MEGF8: variants seen among roughly 807,000 people sequenced by gnomAD.
MEGF8 encodes the protein multiple EGF like domains 8, also known as multiple epidermal growth factor-like domains protein 8.
A neutral mutation model predicts 302.9 loss-of-function variants in MEGF8; 156 were observed. The ratio of observed to expected loss-of-function variants is 0.52; its 90% CI spans 0.45 to 0.59. The LOEUF is 0.59. Ranked by LOEUF, MEGF8 falls within the 20% of genes least tolerant of loss-of-function variation. The pLI is 0.00. For synonymous variants in MEGF8, 1,621 were observed against 1,660.5 expected (o/e 0.98, Z 0.58); for missense variants, 3,345 against 3,964.5 (o/e 0.84, Z 4.20).
In MEGF8 at chr19:42,351,831, G is replaced by GCCT; in HGVS notation, c.3101+72_3101+74dup. On this transcript the variant is annotated intron_variant, in intron 18 of 41. Transcript: ENST00000251268. This position sits in a 1 kb window ranked among gnomAD's most constrained non-coding sequence, Gnocchi z 5.6. ...TCCTCCATGACCGGTCATTCTAATG[G>GCCT]CCTCTTTGCTTCTCTGCCCTCTTGC... 1 of 1,305,176 alleles carries GCCT rather than the reference G, an allele frequency of 7.7e-7. No individual in the cohort carries two copies. Among genetic ancestry groups the GCCT allele is most frequent in the Non-Finnish European group, 1.1e-6 (1 of 926,654 alleles). The allele number at this position is 1,305,176 out of a possible 1,614,324, so 80.8% of individuals were successfully genotyped here.
Position 42,358,034 on chromosome 19 carries a change from C to A in MEGF8, c.5012-110C>A. On this transcript the variant is annotated intron_variant, in intron 28 of 41. Coordinates refer to ENST00000251268, the MANE Select transcript of MEGF8 (RefSeq NM_001271938.2). This position sits in a 1 kb window ranked among gnomAD's most constrained non-coding sequence, Gnocchi z 4.4. ...GGGTGGAGAGGGGCTCCCAGGCCTC[C>A]AGTCTCAGGGCCGGGGAAGGGAGTG... 9.1e-7 allele frequency: 1 copy of A among 1,102,678 alleles called. No homozygotes were observed. Among genetic ancestry groups the A allele is most frequent in the Non-Finnish European group, 1.2e-6 (1 of 812,142 alleles). The allele number at this position is 1,102,678 out of a possible 1,614,324, so 68.3% of individuals were successfully genotyped here.
At chr19:42,339,311 A>C (rs1042326364) in intron 8 of MEGF8, among the ~76,000 whole-genome samples, 2 of 152,214 alleles carry the variant, frequency 1.3e-5, no homozygotes, top group Non-Finnish European at 2.9e-5. Flanking sequence ...TATTTGAGAA[A>C]TCTTCAAACT....
In MEGF8 at chr19:42,353,568, C is replaced by A; in HGVS notation, c.3654C>A (p.Asp1218Glu). Residue 1218 changes from aspartate (D) to glutamate (E), a missense_variant, in exon 21 of 42, where the codon GAC (aspartate) becomes GAA (glutamate). Transcript: ENST00000251268. This position sits in a 1 kb window ranked among gnomAD's most constrained non-coding sequence, Gnocchi z 6.1. The part of the protein sequence containing the change: ...CRPCQCNGHG[D>E]PRRGHCDNLS... Reference sequence around the variant, plus strand: ...CCTGCCAGTGCAACGGGCACGGGGACCCACGCCGTGGCCACTGCGACAACC... The same window carrying A: ...CCTGCCAGTGCAACGGGCACGGGGAACCACGCCGTGGCCACTGCGACAACC... 1 of 1,601,636 alleles carries A rather than the reference C, an allele frequency of 6.2e-7. No homozygotes were observed. Among genetic ancestry groups the A allele is most frequent in the Non-Finnish European group, 8.5e-7 (1 of 1,174,594 alleles).
At chr19:42,348,133 C>A in intron 12 of MEGF8, 139 bp from the exon 13 acceptor site, 2 of 783,454 alleles carry the variant, frequency 2.6e-6, no homozygotes, top group Middle Eastern at 2.4e-4. Context: ...TGACAAGCCA[C>A]CTAACCCCTG....
Position 42,375,098 on chromosome 19 carries a change from G to A in MEGF8, c.7270-409G>A, listed in dbSNP as rs535983212. ...ACATGATCTCAGTGGTCCTGTGAGCGAGCCGTGGTTACTCCCTGTGTGCAG... is the reference window on the plus strand; with the variant it reads ...ACATGATCTCAGTGGTCCTGTGAGCAAGCCGTGGTTACTCCCTGTGTGCAG... On this transcript the variant is annotated intron_variant, in intron 41 of 41. Coordinates refer to ENST00000251268, the MANE Select transcript of MEGF8 (RefSeq NM_001271938.2). This position sits in a 1 kb window ranked among gnomAD's most constrained non-coding sequence, Gnocchi z 7.1. Among the ~76,000 whole-genome samples the A allele has an allele frequency of 2.0e-5, 3 of 152,322 alleles. No individual in the cohort carries two copies. The highest frequency in any genetic ancestry group is 2.9e-5 in the Non-Finnish European group (2 of 68,020).
In MEGF8 at chr19:42,335,399, C is replaced by T; in HGVS notation, c.828+14C>T. The stretch of plus-strand genomic sequence containing the variant: ...AGTCCTGCCCCGGTATGGACCCCTC[C>T]TCTGCCCTGGAGGAGCCTTTCCACT... On this transcript the variant is annotated intron_variant, in intron 5 of 41. Coordinates refer to ENST00000251268, the MANE Select transcript of MEGF8 (RefSeq NM_001271938.2). 1 of 1,613,120 alleles carries T rather than the reference C, an allele frequency of 6.2e-7. No homozygotes were observed. Among genetic ancestry groups the T allele is most frequent in the Non-Finnish European group, 8.5e-7 (1 of 1,179,162 alleles).
At chr19:42,363,593 A>G (rs1600067434) in intron 35 of MEGF8, among the ~76,000 whole-genome samples, 1 of 151,838 alleles carries the variant, frequency 6.6e-6, no homozygotes, top group East Asian at 1.9e-4. Context: ...TTTGTTTTTA[A>G]TTTTGTCGAT....
chr19:42,356,916 G>A lies in MEGF8; in HGVS notation c.4765G>A (p.Ala1589Thr), dbSNP rs375545228. Reference sequence around the variant, plus strand: ...CATGTATCTGCTGGGGGGACTTACCGCTGGAGGCGTCACCCGTGATTTCTG... The same window carrying A: ...CATGTATCTGCTGGGGGGACTTACCACTGGAGGCGTCACCCGTGATTTCTG... ...GAMYLLGGLTAGGVTRDFWVL... is the reference protein window; with the variant it reads ...GAMYLLGGLTTGGVTRDFWVL... Residue 1589 changes from alanine to threonine, a missense_variant, in exon 27 of 42, where the codon GCT (alanine) becomes ACT (threonine). Transcript: ENST00000251268. The surrounding 1 kb of genome is among the most constrained non-coding windows in gnomAD (Gnocchi z 5.2). 1.4e-5 allele frequency: 23 copies of A among 1,610,512 alleles called. No homozygotes were observed. Among genetic ancestry groups the A allele is most frequent in the African/African-American group, 5.3e-5 (4 of 74,986 alleles).
At chr19:42,338,171 C>G (rs1262370010) in intron 8 of MEGF8, among the ~76,000 whole-genome samples, 1 of 151,868 alleles carries the variant, frequency 6.6e-6, no homozygotes, top group African/African-American at 2.4e-5. Flanking sequence ...AATTGTGTGT[C>G]ATGGGGATTT....
rs554023299 is a variant in MEGF8 at position 42,368,336 on chromosome 19, C to T, written c.6274-119C>T. On this transcript the variant is annotated intron_variant, in intron 35 of 41. Coordinates refer to ENST00000251268, the MANE Select transcript of MEGF8 (RefSeq NM_001271938.2). This position sits in a 1 kb window ranked among gnomAD's most constrained non-coding sequence, Gnocchi z 4.9. ...GTGTCCACTTTGCTCTACCTGTGGC[C>T]AGGGAGGGGTGAGACCTCAAAGAGG... The T allele has an allele frequency of 1.5e-5, 13 of 870,826 alleles. No homozygotes were observed. The African/African-American group carries it at 2.0e-4, about 14-fold the overall frequency. 53.9% of individuals were successfully genotyped at this position (870,826 alleles called of 1,614,324 possible). A position where few individuals can be genotyped will look rare whatever the true frequency, so the allele number is the denominator to read the frequency against.
intron 8 of MEGF8, among the ~76,000 whole-genome samples, chr19:42,339,116 GAGCCAATGC>G (rs2039177677): frequency 6.6e-6 from 1 of 152,158 alleles, no homozygotes; most frequent in African/African-American, 2.4e-5. Flanking sequence ...TTACAGGCGT[GAGCCAATGC>G]GCCTGGCCTC....
intron 41 of MEGF8, among the ~76,000 whole-genome samples, chr19:42,373,196 G>A (rs1247976644): frequency 6.6e-6 from 1 of 151,454 alleles, no homozygotes; most frequent in African/African-American, 2.4e-5. Flanking sequence ...AGGTTCAAGC[G>A]ATTCTCCTGC....
Position 42,333,549 on chromosome 19 carries a change from G to A in MEGF8, c.188-56G>A, listed in dbSNP as rs2039081971. ...GTGTACAATTGTGGGAGGCTGCAGG[G>A]AGGTGTGGGGAGAAGGTCCGCTTTA... is the stretch of plus-strand genomic sequence containing the variant. On this transcript the variant is annotated intron_variant, in intron 1 of 41. Transcript: ENST00000251268. 5.2e-6 allele frequency: 8 copies of A among 1,545,794 alleles called. No homozygotes were observed. In the South Asian group the frequency reaches 9.4e-5, roughly 18 times the overall value.
rs771658086 is a variant in MEGF8, at chr19:42,369,728, G to C, written c.6834+5G>C. 1.3e-5 allele frequency: 20 copies of C among 1,594,484 alleles called. No individual in the cohort carries two copies. In the South Asian group the frequency reaches 2.1e-4, roughly 17 times the overall value. On this transcript the variant is annotated splice_donor_5th_base_variant and intron_variant, in intron 38 of 41. Coordinates refer to ENST00000251268, the MANE Select transcript of MEGF8 (RefSeq NM_001271938.2). This position sits in a 1 kb window ranked among gnomAD's most constrained non-coding sequence, Gnocchi z 5.7. ...CTCTGCCGCAACCACACCAAGGTGG[G>C]CCGCCCGGAGCCTCAGACCCCCGAC...
chr19:42,362,993 G>T lies in MEGF8; in HGVS notation c.6059-55G>T, dbSNP rs576824324. The T allele has an allele frequency of 2.2e-5, 32 of 1,477,602 alleles. No individual in the cohort carries two copies. In the African/African-American group the frequency reaches 2.9e-4, roughly 13 times the overall value. The allele number at this position is 1,477,602 out of a possible 1,614,324, so 91.5% of individuals were successfully genotyped here. ...AGCTCCTGGGTCTGAGGGAGGAGGGGCTGGGCTTGCGATCTCCTGGGTCTG... is the reference window on the plus strand; with the variant it reads ...AGCTCCTGGGTCTGAGGGAGGAGGGTCTGGGCTTGCGATCTCCTGGGTCTG... On this transcript the variant is annotated intron_variant, in intron 34 of 41. Coordinates refer to ENST00000251268, the MANE Select transcript of MEGF8 (RefSeq NM_001271938.2).
Position 42,368,877 on chromosome 19 carries a change from C to T in MEGF8, c.6516C>T (p.Ala2172=). ...LTCGRPGASW[A]FLSCPPEDEC... The stretch of plus-strand genomic sequence containing the variant: ...GTGGGCGTCCGGGGGCCTCCTGGGC[C>T]TTCCTGTCCTGCCCCCCTGAGGACG... The change falls in exon 37 of 42, where the codon GCC becomes GCT. Residue 2172 remains alanine, a synonymous_variant. Coordinates refer to ENST00000251268, the MANE Select transcript of MEGF8 (RefSeq NM_001271938.2). This position sits in a 1 kb window ranked among gnomAD's most constrained non-coding sequence, Gnocchi z 4.9. 3 of 1,613,840 alleles carry T rather than the reference C, an allele frequency of 1.9e-6. No homozygotes were observed. The highest frequency in any genetic ancestry group is 2.5e-6 in the Non-Finnish European group (3 of 1,179,862).
intron 41 of MEGF8, among the ~76,000 whole-genome samples, chr19:42,371,874 G>A (rs1372714617): frequency 1.3e-5 from 2 of 152,098 alleles, no homozygotes; most frequent in Non-Finnish European, 2.9e-5. Context: ...CTTGAGCCCG[G>A]GGGTTCAAGA....
intron 1 of MEGF8, among the ~76,000 whole-genome samples, chr19:42,330,772 A>G (rs1330157409): frequency 6.6e-6 from 1 of 152,130 alleles, no homozygotes; most frequent in Non-Finnish European, 1.5e-5. Context: ...TGAAGGTTAT[A>G]ATGGGATGTG....
At chr19:42,349,423 T>C in intron 13 of MEGF8, 76 bp from the exon 14 acceptor site, 2 of 1,336,202 alleles carry the variant, frequency 1.5e-6, no homozygotes, top group Non-Finnish European at 2.1e-6. Context: ...ACAGGGTGGG[T>C]TTGGAGGTAT....
Sources: allele counts gnomAD v4.1 joint callset (sites outside exome capture counted in the v4.1 genomes callset), GRCh38; gene constraint gnomAD v4.1.1; non-coding constraint Gnocchi (gnomAD v3.1); transcripts MANE v1.5; gene names NCBI Gene and HGNC (gene_info 2026-07-23, HGNC 2026-07-21).